CMKLR1: variants seen among roughly 807,000 people sequenced by gnomAD.
CMKLR1 encodes the protein chemerin chemokine-like receptor 1.
A neutral mutation model predicts 8.2 loss-of-function variants in CMKLR1; 6 were observed. The observed-to-expected ratio is 0.73, with a 90% CI of 0.40 to 1.44. CMKLR1 has a LOEUF of 1.44. Among genes scored for constraint, CMKLR1 ranks in the 40% most tolerant of loss-of-function variants. The pLI is 0.02. For missense variants in CMKLR1, 429 were observed against 478.0 expected (o/e 0.90, Z 0.96); for synonymous variants, 178 against 181.2 (o/e 0.98, Z 0.14).
At chr12:108,317,250 G>T (rs1891757008) in intron 2 of CMKLR1, among the ~76,000 whole-genome samples, 1 of 152,184 alleles carries the variant, frequency 6.6e-6, no homozygotes, top group African/African-American at 2.4e-5. Flanking sequence ...ATTGAGCATG[G>T]GTTTCAGTCA....
intron 2 of CMKLR1, among the ~76,000 whole-genome samples, chr12:108,297,042 A>T (rs1439722124): frequency 6.6e-6 from 1 of 152,210 alleles, no homozygotes; most frequent in East Asian, 1.9e-4. Flanking sequence ...TGAAAAAAAT[A>T]TGCGTCACTA....
intron 1 of CMKLR1, among the ~76,000 whole-genome samples, chr12:108,332,179 G>T (rs1234620399): frequency 1.3e-5 from 2 of 152,146 alleles, no homozygotes; most frequent in Non-Finnish European, 2.9e-5. Context: ...AACAACCCTG[G>T]GCAGGAGGAA....
intron 1 of CMKLR1, among the ~76,000 whole-genome samples, chr12:108,334,609 G>A (rs1249657130): frequency 6.6e-6 from 1 of 152,174 alleles, no homozygotes; most frequent in East Asian, 1.9e-4. Context: ...CCAGCCCTGG[G>A]GGAGCCCAGC....
At chr12:108,311,558 C>T (rs1054566104) in intron 2 of CMKLR1, among the ~76,000 whole-genome samples, 8 of 152,162 alleles carry the variant, frequency 5.3e-5, no homozygotes, top group East Asian at 1.9e-4. Context: ...CCCAGGAAGT[C>T]GAGGCTGCAG....
chr12:108,332,375 G>A (rs1892130904), intron 1 of CMKLR1, among the ~76,000 whole-genome samples: 1 of 152,200 alleles, frequency 6.6e-6, no homozygotes, highest in South Asian at 2.1e-4. Flanking sequence ...GTGAGACCCT[G>A]TGTGATGGTT....
intron 2 of CMKLR1, among the ~76,000 whole-genome samples, chr12:108,321,284 T>C (rs983613437): frequency 1.4e-4 from 22 of 152,076 alleles, no homozygotes; most frequent in Admixed American, 1.3e-3. Flanking sequence ...AAAATAATAA[T>C]GTAATGCAAC....
intron 2 of CMKLR1, among the ~76,000 whole-genome samples, chr12:108,315,498 C>G (rs1891697665): frequency 6.6e-6 from 1 of 152,190 alleles, no homozygotes; most frequent in Non-Finnish European, 1.5e-5. Context: ...CTCCTGTGTA[C>G]TAGCCTTGCC....
intron 2 of CMKLR1, among the ~76,000 whole-genome samples, chr12:108,318,432 G>C (rs1050825559): frequency 2.0e-5 from 3 of 152,132 alleles, no homozygotes; most frequent in African/African-American, 7.2e-5. Flanking sequence ...AGAGAACCTT[G>C]GTTCTTATTC....
intron 2 of CMKLR1, among the ~76,000 whole-genome samples, chr12:108,328,303 C>T (rs1010739045): frequency 1.2e-4 from 18 of 152,208 alleles, no homozygotes; most frequent in Non-Finnish European, 1.5e-5. Context: ...TCTCATGGTT[C>T]AAGAATGCTG....
At chr12:108,322,744 C>T (rs1891891253) in intron 2 of CMKLR1, among the ~76,000 whole-genome samples, 1 of 152,116 alleles carries the variant, frequency 6.6e-6, no homozygotes, top group Non-Finnish European at 1.5e-5. Context: ...TCCCTGAAGC[C>T]ATCACCAGAA....
chr12:108,298,833 C>A (rs1248392370), intron 2 of CMKLR1, among the ~76,000 whole-genome samples: 1 of 152,212 alleles, frequency 6.6e-6, no homozygotes, highest in Non-Finnish European at 1.5e-5. Context: ...AGGGCAAAAG[C>A]CACTCCGCTC....
At chr12:108,310,415 G>C (rs1412049043) in intron 2 of CMKLR1, among the ~76,000 whole-genome samples, 1 of 152,196 alleles carries the variant, frequency 6.6e-6, no homozygotes, top group African/African-American at 2.4e-5. Flanking sequence ...CAGGAGAATA[G>C]CAAGAGGCCT....
At position 108,292,351 on chromosome 12, in the gene CMKLR1, G is replaced by A. The variant is rs1171223068; in HGVS notation, c.612C>T (p.Pro204=). 6.2e-6 allele frequency: 10 copies of A among 1,614,150 alleles called. No homozygotes were observed. Among genetic ancestry groups the A allele is most frequent in the African/African-American group, 1.3e-5 (1 of 75,038 alleles). Residue 204 remains proline (P), a synonymous_variant, in exon 4 of 4, where the codon CCC becomes CCT. Transcript: ENST00000550402. ...SLSTPGSSSW[P]THSQMDPVGY... ...CCACAGGGTCCATTTGGGAGTGAGT[G>A]GGCCACGAGGAAGACCCAGGTGTGG...
chr12:108,296,654 G>A (rs376208139), intron 2 of CMKLR1, among the ~76,000 whole-genome samples: 14 of 152,050 alleles, frequency 9.2e-5, no homozygotes, highest in East Asian at 7.8e-4. Context: ...GGTGAAACCC[G>A]GTCTCTACTA....
intron 2 of CMKLR1, among the ~76,000 whole-genome samples, chr12:108,314,008 C>A (rs1891654791): frequency 6.6e-6 from 1 of 152,170 alleles, no homozygotes; most frequent in South Asian, 2.1e-4. Flanking sequence ...AGCCGACCCC[C>A]ACCAGGCCAA....
intron 2 of CMKLR1, among the ~76,000 whole-genome samples, chr12:108,327,299 G>A (rs1274071355): frequency 6.6e-6 from 1 of 152,190 alleles, no homozygotes; most frequent in Non-Finnish European, 1.5e-5. Context: ...GCAACATGGT[G>A]AGACCCTGTC....
chr12:108,297,414 A>T (rs1183334428), intron 2 of CMKLR1, among the ~76,000 whole-genome samples: 2 of 152,182 alleles, frequency 1.3e-5, no homozygotes, highest in African/African-American at 2.4e-5. Context: ...CAGTAGTTAA[A>T]TTTTGGGGGA....
chr12:108,292,153 G>A lies in CMKLR1; in HGVS notation c.810C>T (p.Phe270=). The change falls in exon 4 of 4, where the codon TTC becomes TTT. Residue 270 remains phenylalanine, a synonymous_variant. Transcript: ENST00000550402. Reference sequence around the variant, plus strand: ...GTGTGTGGTAGGGGCACCAGCAGAGGAAGAAGGTAATGATGATGGTCACAA... The same window carrying A: ...GTGTGTGGTAGGGGCACCAGCAGAGAAAGAAGGTAATGATGATGGTCACAA... The part of the protein sequence containing the change: ...KIIVTIIITF[F]LCWCPYHTLN... 1.2e-6 allele frequency: 2 copies of A among 1,614,202 alleles called. No homozygotes were observed. The highest frequency in any genetic ancestry group is 1.6e-4 in the Middle Eastern group (1 of 6,062).
rs534880257 is a variant in CMKLR1, at chr12:108,289,433, G to A, written c.*2408C>T. 12 of 152,456 alleles carry A rather than the reference G, an allele frequency of 7.9e-5. No individual in the cohort carries two copies. In the East Asian group the frequency reaches 2.3e-3, roughly 29 times the overall value. 9.4% of individuals were successfully genotyped at this position (152,456 alleles called of 1,614,324 possible). A position where few individuals can be genotyped will look rare whatever the true frequency, so the allele number is the denominator to read the frequency against. The stretch of plus-strand genomic sequence containing the variant: ...AAGTCAGAACAGGAAGACCCACAGA[G>A]CAGCCAGAAAGAGGGAGGCCAGACT... On this transcript the variant is annotated 3_prime_UTR_variant, in exon 4 of 4. Transcript: ENST00000550402.
Sources: allele counts gnomAD v4.1 joint callset (sites outside exome capture counted in the v4.1 genomes callset), GRCh38; gene constraint gnomAD v4.1.1; transcripts MANE v1.5; gene names NCBI Gene and HGNC (gene_info 2026-07-23, HGNC 2026-07-21).